URGCP: variants seen among roughly 807,000 people sequenced by gnomAD.
The protein encoded by URGCP is up-regulator of cell proliferation.
A neutral mutation model predicts 24.6 loss-of-function variants in URGCP; 13 were observed. The ratio of observed to expected loss-of-function variants is 0.53; its 90% CI spans 0.34 to 0.84. The LOEUF is 0.84. Among genes scored for constraint, URGCP ranks in the 40% least tolerant of loss-of-function variants. The probability of loss-of-function intolerance (pLI) is 0.01; values close to 1 mark genes in which losing one functional copy is unlikely to be tolerated. For synonymous variants in URGCP, 444 were observed against 487.2 expected, an observed-to-expected ratio of 0.91 and a Z score of 1.17; for missense variants, 899 against 1,194.3, an observed-to-expected ratio of 0.75 and a Z score of 3.64.
At position 43,878,565 on chromosome 7, in the gene URGCP, A is replaced by C; in HGVS notation, c.898T>G (p.Leu300Val). The C allele has an allele frequency of 1.9e-6, 3 of 1,614,190 alleles. No individual in the cohort carries two copies. The highest frequency in any genetic ancestry group is 1.6e-4 in the Middle Eastern group (1 of 6,062). ...GAAATCTCCCGGGCATTGGTGCCCA[A>C]GTTGAGGTCCCGATGCCAGAAGCAG... ...WDCFWHRDLN[L>V]GTNAREISDG... The change falls in exon 6 of 6, where the codon TTG (leucine) becomes GTG (valine). Residue 300 changes from leucine to valine, a missense_variant. Leu to Val is a conservative substitution (Grantham distance 32). Transcript: ENST00000453200. The surrounding 1 kb of genome is among the most constrained non-coding windows in gnomAD (Gnocchi z 5.6).
At chr7:43,911,088 A>G (rs2095909598), upstream of URGCP, among the ~76,000 whole-genome samples, 1 of 152,186 alleles carries the variant, frequency 6.6e-6, no homozygotes, top group Non-Finnish European at 1.5e-5. Flanking sequence ...GAAAATAGAC[A>G]GCCTGAACAG....
chr7:43,880,412 A>G (rs1234662379), intron 5 of URGCP, among the ~76,000 whole-genome samples: 2 of 152,078 alleles, frequency 1.3e-5, no homozygotes, highest in Non-Finnish European at 2.9e-5. Flanking sequence ...GCACCTTACT[A>G]ATGTTCATGC....
At chr7:43,916,963 T>C (rs1196597055) in intron 1 of URGCP, among the ~76,000 whole-genome samples, 1 of 152,128 alleles carries the variant, frequency 6.6e-6, no homozygotes, top group Non-Finnish European at 1.5e-5. Flanking sequence ...ATAAATGCCT[T>C]CTTATTCCTT....
intron 3 of URGCP, among the ~76,000 whole-genome samples, chr7:43,882,816 A>G (rs1222315197): frequency 6.6e-6 from 1 of 152,256 alleles, no homozygotes; most frequent in African/African-American, 2.4e-5. Flanking sequence ...TTGGGAAAAT[A>G]AAACATGAAT....
At chr7:43,890,551 G>A (rs1478782290) in intron 1 of URGCP, among the ~76,000 whole-genome samples, 1 of 152,104 alleles carries the variant, frequency 6.6e-6, no homozygotes, top group Non-Finnish European at 1.5e-5. Flanking sequence ...TATTCTCTTG[G>A]TATTCAGAAT....
intron 1 of URGCP, among the ~76,000 whole-genome samples, chr7:43,915,918 A>C (rs572044195): frequency 2.0e-5 from 3 of 152,262 alleles, no homozygotes; most frequent in Admixed American, 2.0e-4. Context: ...CTGAGGCAGG[A>C]GAATCACTTG....
At chr7:43,919,469 C>G (rs767649422) in intron 1 of URGCP, 1 of 1,027,436 alleles carries the variant, frequency 9.7e-7, no homozygotes, top group African/African-American at 1.6e-5. Context: ...TAGGCCTCAT[C>G]GCCTCACTCA....
rs1310400182 is a variant in URGCP, at chr7:43,881,691, G to T, written c.170C>A (p.Thr57Lys). 2 of 1,613,988 alleles carry T rather than the reference G, an allele frequency of 1.2e-6. No individual in the cohort carries two copies. The highest frequency in any genetic ancestry group is 1.7e-6 in the Non-Finnish European group (2 of 1,179,994). ...DDCEFRYGDG[T>K]NEAQDNDFPT... ...AAAATCATTGTCCTGAGCCTCATTT[G>T]TACCATCTATGGAAAAAGCAATGGA... The change falls in exon 5 of 6, where the codon ACA (threonine) becomes AAA (lysine). Residue 57 changes from threonine (T) to lysine (K), a missense_variant. By Grantham distance (78) the Thr-to-Lys change is moderately conservative. Coordinates refer to ENST00000453200, the MANE Select transcript of URGCP (RefSeq NM_001077663.3).
Position 43,918,529 on chromosome 7 carries a change from C to G in URGCP, c.-116+7603G>C, listed in dbSNP as rs1301762241. ...CTCCTGACCTCAAGTGATCCGCCCA[C>G]TTCGGCCTCCCAAAGTGCTAGGATT... On this transcript the variant is annotated intron_variant, in intron 1 of 5. Transcript: ENST00000426198. 2.6e-5 allele frequency among the ~76,000 whole-genome samples: 4 copies of G among 152,216 alleles called. No homozygotes were observed. The South Asian group carries it at 6.2e-4, about 24-fold the overall frequency.
rs144455995 is a variant in URGCP at position 43,918,630 on chromosome 7, AT to A, written c.-116+7501del. On this transcript the variant is annotated intron_variant, in intron 1 of 5. Coordinates refer to the URGCP transcript ENST00000426198. ...GCGCTCAGCTTAATTAAAAGTGGATATCTGGGGGGCTGGCACGCGGCAGCGT... is the reference window on the plus strand; with the variant it reads ...GCGCTCAGCTTAATTAAAAGTGGATACTGGGGGGCTGGCACGCGGCAGCGT... The A allele has an allele frequency of 4.2e-3, 2,414 of 575,166 alleles. 43 individuals carry two copies. The highest frequency in any genetic ancestry group is 0.041 in the African/African-American group (2,172 of 53,176). 35.6% of individuals were successfully genotyped at this position (575,166 alleles called of 1,614,324 possible).
intron 1 of URGCP, among the ~76,000 whole-genome samples, chr7:43,892,136 T>C (rs1009513112): frequency 3.3e-5 from 5 of 151,984 alleles, no homozygotes; most frequent in African/African-American, 1.2e-4. Flanking sequence ...CAGGCTGGTC[T>C]CAAACTCCTG....
upstream of URGCP, chr7:43,926,428 C>G (rs1431736402): frequency 9.5e-7 from 1 of 1,058,158 alleles, no homozygotes; most frequent in Non-Finnish European, 1.2e-6. Context: ...CGCGCGCAAG[C>G]GCAGGCTGCG....
At chr7:43,887,885 G>T in intron 1 of URGCP, 69 bp from the exon 2 acceptor site, 2 of 1,020,440 alleles carry the variant, frequency 2.0e-6, no homozygotes, top group Non-Finnish European at 2.9e-6. Context: ...GCGAAAAACT[G>T]ATGCCTTTTA....
intron 1 of URGCP, chr7:43,918,888 G>A: frequency 1.4e-6 from 2 of 1,409,280 alleles, no homozygotes; most frequent in Admixed American, 1.7e-5. Flanking sequence ...CCCCCGGGCT[G>A]TGCTGCTGGA....
intron 1 of URGCP, among the ~76,000 whole-genome samples, chr7:43,899,028 G>A (rs1767436350): frequency 6.7e-6 from 1 of 149,694 alleles, no homozygotes; most frequent in African/African-American, 2.4e-5. Context: ...CAGCTACTCG[G>A]GAGGCTGAGG....
At chr7:43,921,524 G>A (rs937453836) in intron 1 of URGCP, among the ~76,000 whole-genome samples, 3 of 152,156 alleles carry the variant, frequency 2.0e-5, no homozygotes, top group Admixed American at 1.3e-4. Context: ...AATTATACGG[G>A]ACAGATATTA....
At position 43,877,521 on chromosome 7, in the gene URGCP, C is replaced by T; in HGVS notation, c.1942G>A (p.Gly648Ser). 3 of 1,613,348 alleles carry T rather than the reference C, an allele frequency of 1.9e-6. No individual in the cohort carries two copies. Among genetic ancestry groups the T allele is most frequent in the Non-Finnish European group, 8.5e-7 (1 of 1,180,038 alleles). The change falls in exon 6 of 6, where the codon GGC becomes AGC. Residue 648 changes from glycine (G) to serine (S), a missense_variant. Coordinates refer to ENST00000453200, the MANE Select transcript of URGCP (RefSeq NM_001077663.3). ...AGQRRFAHFP[G>S]LASELLLTGL... ...GTCAGCAGCAGCTCCGAGGCCAAGC[C>T]TGGGAAGTGGGCAAAACGCCTCTGG...
At chr7:43,905,963 G>C (rs1013241710) in intron 1 of URGCP, 1 of 152,140 alleles carries the variant, frequency 6.6e-6, no homozygotes, top group Non-Finnish European at 1.5e-5. Flanking sequence ...ATCAAAATAA[G>C]CGCAGCCACC....
chr7:43,924,072 G>C (rs2132736286), intron 1 of URGCP, among the ~76,000 whole-genome samples: 1 of 152,176 alleles, frequency 6.6e-6, no homozygotes, highest in South Asian at 2.1e-4. Context: ...GTCTCACCAT[G>C]TTGGCCAGGC....
Sources: gnomAD v4.1 joint callset for allele counts (sites outside exome capture counted in the v4.1 genomes callset) on GRCh38, gnomAD v4.1.1 for gene constraint, Gnocchi (gnomAD v3.1) non-coding constraint, MANE v1.5 for transcripts, NCBI Gene and HGNC (gene_info 2026-07-23, HGNC 2026-07-21) for gene names.